The following SEMA6D variants were observed in gnomAD, a reference collection of about 807,000 sequenced individuals.
SEMA6D encodes semaphorin-6D.
In SEMA6D, 35 loss-of-function variants were observed where a neutral mutation model predicts 106.6. That is an observed-to-expected ratio of 0.33 (90% confidence interval 0.25 to 0.44). SEMA6D has a LOEUF of 0.44. Among genes scored for constraint, SEMA6D ranks in the 20% least tolerant of loss-of-function variants. The pLI, the probability that SEMA6D is intolerant of heterozygous loss-of-function variation, is 1.00. For synonymous variants in SEMA6D, 499 were observed against 487.7 expected (o/e 1.02, Z -0.31); for missense variants, 1,185 against 1,345.9 (o/e 0.88, Z 1.87).
intron 1 of SEMA6D, among the ~76,000 whole-genome samples, chr15:47,219,974 C>T (rs934176528): frequency 4.6e-5 from 7 of 152,166 alleles, no homozygotes; most frequent in Non-Finnish European, 8.8e-5. Flanking sequence ...CGTAGTGTCT[C>T]ATCCTGCAGC....
chr15:47,229,242 T>G (rs2032019281), intron 1 of SEMA6D, among the ~76,000 whole-genome samples: 1 of 151,952 alleles, frequency 6.6e-6, no homozygotes, highest in South Asian at 2.1e-4. Flanking sequence ...AATTCCCAGG[T>G]GTCTTTCTCA....
At chr15:47,378,873 T>C (rs1000422199) in intron 1 of SEMA6D, among the ~76,000 whole-genome samples, 5 of 152,250 alleles carry the variant, frequency 3.3e-5, no homozygotes, top group African/African-American at 9.6e-5. Flanking sequence ...CTGGACATTA[T>C]GGAAACCACA....
intron 3 of SEMA6D, among the ~76,000 whole-genome samples, chr15:47,525,893 C>A (rs1052779741): frequency 2.0e-5 from 3 of 151,876 alleles, no homozygotes; most frequent in Non-Finnish European, 4.4e-5. Flanking sequence ...CAAAACAAAA[C>A]AAAAAAATAA....
chr15:47,721,763 T>C (rs562160299), intron 1 of SEMA6D, among the ~76,000 whole-genome samples: 4 of 152,318 alleles, frequency 2.6e-5, no homozygotes, highest in African/African-American at 7.2e-5. Context: ...GGTGTACTTA[T>C]TTCTCAAACT....
At chr15:47,679,607 T>C (rs544535563) in intron 4 of SEMA6D, among the ~76,000 whole-genome samples, 88 of 152,246 alleles carry the variant, frequency 5.8e-4, no homozygotes, top group African/African-American at 2.1e-3. Flanking sequence ...TTTTGTTTTG[T>C]TTTGTTTTTT....
intron 4 of SEMA6D, among the ~76,000 whole-genome samples, chr15:47,619,103 G>C (rs61019860): frequency 6.6e-6 from 1 of 152,192 alleles, no homozygotes; most frequent in African/African-American, 2.4e-5. Flanking sequence ...GTGCAGGCCA[G>C]GTAGTTTCCA....
intron 1 of SEMA6D, among the ~76,000 whole-genome samples, chr15:47,340,914 G>A (rs1374027288): frequency 6.6e-6 from 1 of 152,114 alleles, no homozygotes; most frequent in Non-Finnish European, 1.5e-5. Flanking sequence ...ATTTATAACT[G>A]CAGCTTAAGT....
chr15:47,642,984 CAG>C (rs765137680), intron 4 of SEMA6D, among the ~76,000 whole-genome samples: 27 of 151,210 alleles, frequency 1.8e-4, no homozygotes, highest in Non-Finnish European at 3.1e-4. Context: ...GATATACAGA[CAG>C]AGATGGAAAT....
At chr15:47,762,407 G>A (rs936751468) in intron 8 of SEMA6D, 88 bp downstream of exon 8, 22 of 1,448,066 alleles carry the variant, frequency 1.5e-5, no homozygotes, top group Admixed American at 5.5e-5. Flanking sequence ...GAGGTTCAGC[G>A]CATGACTTTA....
intron 3 of SEMA6D, among the ~76,000 whole-genome samples, chr15:47,569,429 A>T (rs180862080): frequency 1.2e-4 from 19 of 152,242 alleles, no homozygotes; most frequent in Admixed American, 2.6e-4. Context: ...TATGCTATTC[A>T]TACAAGGTGA....
chr15:47,356,751 C>G (rs1377191670), intron 1 of SEMA6D, among the ~76,000 whole-genome samples: 3 of 152,088 alleles, frequency 2.0e-5, no homozygotes, highest in African/African-American at 7.2e-5. Context: ...CAAGGCTGTC[C>G]ACACCTGCAT....
intron 4 of SEMA6D, among the ~76,000 whole-genome samples, chr15:47,634,521 G>A (rs2077347085): frequency 6.6e-6 from 1 of 152,166 alleles, no homozygotes; most frequent in Admixed American, 6.5e-5. Context: ...TATGTCTTCA[G>A]AGCACCTCAT....
intron 1 of SEMA6D, among the ~76,000 whole-genome samples, chr15:47,299,382 A>T (rs1427265523): frequency 6.6e-6 from 1 of 152,172 alleles, no homozygotes; most frequent in Admixed American, 6.5e-5. Context: ...TAACCTTCGA[A>T]GACTGTTTTT....
At chr15:47,379,654 C>T (rs184788293) in intron 1 of SEMA6D, among the ~76,000 whole-genome samples, 105 of 152,230 alleles carry the variant, frequency 6.9e-4, no homozygotes, top group African/African-American at 2.2e-3. Flanking sequence ...TTTTGAAAAA[C>T]GAACATTGGA....
intron 4 of SEMA6D, among the ~76,000 whole-genome samples, chr15:47,694,301 C>A (rs992772423): frequency 3.3e-5 from 5 of 152,118 alleles, no homozygotes; most frequent in African/African-American, 1.2e-4. Flanking sequence ...AATTATGGGA[C>A]CTTCCCACAC....
At chr15:47,634,366 G>T (rs865856146) in intron 4 of SEMA6D, among the ~76,000 whole-genome samples, 2 of 152,112 alleles carry the variant, frequency 1.3e-5, no homozygotes, top group African/African-American at 4.8e-5. Context: ...TCACTTTCCC[G>T]ATGGTCTTCA....
At chr15:47,655,075 A>G (rs187037745) in intron 4 of SEMA6D, among the ~76,000 whole-genome samples, 1 of 152,066 alleles carries the variant, frequency 6.6e-6, no homozygotes, top group Non-Finnish European at 1.5e-5. Context: ...GTTCAAACCC[A>G]TGTTGTTCAA....
Position 47,376,884 on chromosome 15 carries a change from A to G in SEMA6D, c.-238-35509A>G, listed in dbSNP as rs74607422. On this transcript the variant is annotated intron_variant, in intron 1 of 19. Coordinates refer to the SEMA6D transcript ENST00000558014. ...TGATCACATCAGAAGTACAATTTGG[A>G]TATTAAGGCATCTAGTGTTCTTCTA... Among the ~76,000 whole-genome samples the G allele has an allele frequency of 5.9e-3, 894 of 152,316 alleles. 5 individuals carry two copies. The highest frequency in any genetic ancestry group is 0.048 in the East Asian group (251 of 5,182).
At chr15:47,606,274 C>T (rs1206334086) in intron 4 of SEMA6D, 1 of 152,120 alleles carries the variant, frequency 6.6e-6, no homozygotes, top group African/African-American at 2.4e-5. Context: ...ATGGGGCTCT[C>T]TGGGTTGTAA....
Sources: allele counts gnomAD v4.1 joint callset (sites outside exome capture counted in the v4.1 genomes callset), GRCh38; gene constraint gnomAD v4.1.1; transcripts MANE v1.5; gene names NCBI Gene and HGNC (gene_info 2026-07-23, HGNC 2026-07-21).